PEMT: variants seen among roughly 807,000 people sequenced by gnomAD.
PEMT encodes phosphatidylethanolamine N-methyltransferase.
Under a neutral mutation model 27.4 loss-of-function variants are expected in PEMT, and 23 were observed. That is an observed-to-expected ratio of 0.84 (90% CI 0.60 to 1.19). The LOEUF is 1.19. PEMT is among the 50% of genes most tolerant of loss of function. The pLI is 0.00. For synonymous variants in PEMT, 137 were observed against 139.1 expected, an observed-to-expected ratio of 0.98 and a Z score of 0.11; for missense variants, 307 against 310.1, an observed-to-expected ratio of 0.99 and a Z score of 0.07.
intron 2 of PEMT, among the ~76,000 whole-genome samples, chr17:17,575,944 G>A (rs1219436186): frequency 6.6e-6 from 1 of 152,192 alleles, no homozygotes; most frequent in Non-Finnish European, 1.5e-5. Flanking sequence ...TTCTGCCCTG[G>A]GATCAAGGGT....
intron 2 of PEMT, among the ~76,000 whole-genome samples, chr17:17,535,801 C>T (rs2142579486): frequency 6.6e-6 from 1 of 152,226 alleles, no homozygotes; most frequent in African/African-American, 2.4e-5. Context: ...GTGCAGGGGT[C>T]ATTAAACGGT....
chr17:17,590,428 C>A (rs755072407), intron 1 of PEMT, among the ~76,000 whole-genome samples: 1 of 152,184 alleles, frequency 6.6e-6, no homozygotes, highest in Admixed American at 6.5e-5. Flanking sequence ...CTCGCAGATA[C>A]GGCAACAGGC....
intron 3 of PEMT, 51 bp downstream of exon 3, chr17:17,522,229 C>A: frequency 7.5e-7 from 1 of 1,332,232 alleles, no homozygotes. Context: ...CAGTAGCGGC[C>A]CTCCCGCTAG....
At chr17:17,550,170 C>A (rs1485094898) in intron 2 of PEMT, among the ~76,000 whole-genome samples, 1 of 152,166 alleles carries the variant, frequency 6.6e-6, no homozygotes, top group East Asian at 1.9e-4. Context: ...CTCCCCACCA[C>A]CCCCCTCTGG....
chr17:17,530,109 A>T (rs1396394516), intron 2 of PEMT, among the ~76,000 whole-genome samples: 1 of 152,214 alleles, frequency 6.6e-6, no homozygotes, highest in Non-Finnish European at 1.5e-5. Context: ...AAACTGATCA[A>T]AATTATTACC....
At chr17:17,558,442 G>T (rs1241664279) in intron 2 of PEMT, among the ~76,000 whole-genome samples, 1 of 151,948 alleles carries the variant, frequency 6.6e-6, no homozygotes. Flanking sequence ...TGGGAGGCAG[G>T]GGTTGCAGTG....
intron 2 of PEMT, among the ~76,000 whole-genome samples, chr17:17,528,187 G>A (rs1907832998): frequency 6.6e-6 from 1 of 152,214 alleles, no homozygotes; most frequent in South Asian, 2.1e-4. Flanking sequence ...TGAGCTCCAA[G>A]CTTCCTTCTG....
chr17:17,507,266 C>A, intron 5 of PEMT: 1 of 1,358,868 alleles, frequency 7.4e-7, no homozygotes. Flanking sequence ...AGCTGTCTGG[C>A]GGGCACAGAG....
chr17:17,509,043 T>C lies in PEMT; in HGVS notation c.578+391A>G, dbSNP rs567218381. ...AAAGCAAAAGGATCAAAAAGAATGT[T>C]TCATGACACGTGAAAAGAATCTGAA... On this transcript the variant is annotated intron_variant, in intron 5 of 6. Coordinates refer to ENST00000255389, the MANE Select transcript of PEMT (RefSeq NM_148172.3). 1.9e-4 allele frequency among the ~76,000 whole-genome samples: 29 copies of C among 152,394 alleles called. No homozygotes were observed. The South Asian group carries it at 5.6e-3, about 29-fold the overall frequency.
Position 17,513,648 on chromosome 17 carries a change from G to A in PEMT, c.321-994C>T, listed in dbSNP as rs1906581954. 6.6e-6 allele frequency among the ~76,000 whole-genome samples: 1 copy of A among 151,890 alleles called. No individual in the cohort carries two copies. The stretch of plus-strand genomic sequence containing the variant: ...AAAGGGGGTGACTATGACAGCAGTG[G>A]GTCTAGAGGCTCAGGTTCTCCAGTT... On this transcript the variant is annotated intron_variant, in intron 3 of 6. Transcript: ENST00000255389. The surrounding 1 kb of genome is among the most constrained non-coding windows in gnomAD (Gnocchi z 4.1).
chr17:17,528,784 T>C (rs4646397), intron 2 of PEMT, among the ~76,000 whole-genome samples: 98,753 of 152,118 alleles, frequency 0.65, 32,874 homozygotes, highest in African/African-American at 0.8. Flanking sequence ...CATCAGGAGG[T>C]GGGATTCAGG....
chr17:17,513,604 A>G lies in PEMT; in HGVS notation c.321-950T>C, dbSNP rs1237340754. Among the ~76,000 whole-genome samples the G allele has an allele frequency of 3.9e-5, 6 of 152,060 alleles. 1 individual carries two copies. The highest frequency in any genetic ancestry group is 3.3e-4 in the Admixed American group (5 of 15,270). On this transcript the variant is annotated intron_variant, in intron 3 of 6. Coordinates refer to ENST00000255389, the MANE Select transcript of PEMT (RefSeq NM_148172.3). The surrounding 1 kb of genome is among the most constrained non-coding windows in gnomAD (Gnocchi z 4.1). ...TATCAAAAGAAAAAAGAAAAAAAGA[A>G]AAGGCAGTGGCGTGACCAAAAGGGG...
At chr17:17,538,544 G>A (rs529052524) in intron 2 of PEMT, among the ~76,000 whole-genome samples, 10 of 148,792 alleles carry the variant, frequency 6.7e-5, no homozygotes, top group African/African-American at 2.5e-4. Flanking sequence ...GGCAGAACAA[G>A]ACTCTGTCTC....
At chr17:17,572,561 G>C (rs1253888430) in intron 2 of PEMT, among the ~76,000 whole-genome samples, 1 of 152,144 alleles carries the variant, frequency 6.6e-6, no homozygotes, top group African/African-American at 2.4e-5. Flanking sequence ...TCAGGTTTCT[G>C]GTGAAAGGAC....
intron 2 of PEMT, among the ~76,000 whole-genome samples, chr17:17,531,866 T>C (rs2142568719): frequency 6.6e-6 from 1 of 152,210 alleles, no homozygotes; most frequent in Non-Finnish European, 1.5e-5. Context: ...AAAGAAAACG[T>C]GATAACTTGA....
intron 2 of PEMT, among the ~76,000 whole-genome samples, chr17:17,553,000 G>A (rs2142653539): frequency 6.6e-6 from 1 of 152,264 alleles, no homozygotes; most frequent in South Asian, 2.1e-4. Context: ...CCCCTCACTG[G>A]CCTCCCAGAA....
chr17:17,526,510 G>T (rs1354283073), intron 2 of PEMT, among the ~76,000 whole-genome samples: 1 of 152,224 alleles, frequency 6.6e-6, no homozygotes, highest in Non-Finnish European at 1.5e-5. Context: ...CCTAGCCCTG[G>T]CATGTGGCCC....
intron 2 of PEMT, among the ~76,000 whole-genome samples, chr17:17,556,514 C>T (rs1335409156): frequency 2.6e-5 from 4 of 152,178 alleles, no homozygotes; most frequent in Non-Finnish European, 5.9e-5. Flanking sequence ...GCTGGGATTA[C>T]AGGCACGTGC....
chr17:17,553,531 C>T (rs929115252), intron 2 of PEMT, among the ~76,000 whole-genome samples: 1 of 152,180 alleles, frequency 6.6e-6, no homozygotes, highest in Non-Finnish European at 1.5e-5. Context: ...GTGCTCCAGC[C>T]CCTCACTCTG....
Sources: allele counts gnomAD v4.1 joint callset (sites outside exome capture counted in the v4.1 genomes callset), GRCh38; gene constraint gnomAD v4.1.1; non-coding constraint Gnocchi (gnomAD v3.1); transcripts MANE v1.5; gene names NCBI Gene and HGNC (gene_info 2026-07-23, HGNC 2026-07-21).